PRR14L: variants seen among roughly 807,000 people sequenced by gnomAD.
PRR14L encodes protein PRR14L.
Under a neutral mutation model 155.0 loss-of-function variants are expected in PRR14L, and 80 were observed. That is an observed-to-expected ratio of 0.52 (90% CI 0.43 to 0.62). The LOEUF (loss-of-function observed/expected upper bound fraction) is 0.62, where lower values mean the gene tolerates loss of function less well. Among genes scored for constraint, PRR14L ranks in the 20% least tolerant of loss-of-function variants. The pLI, the probability that PRR14L is intolerant of heterozygous loss-of-function variation, is 0.00. For synonymous variants in PRR14L, 883 were observed against 916.0 expected (o/e 0.96, Z 0.65); for missense variants, 2,469 against 2,548.0 (o/e 0.97, Z 0.67).
intron 7 of PRR14L, among the ~76,000 whole-genome samples, chr22:31,700,252 T>G (rs1242906692): frequency 6.6e-6 from 1 of 152,242 alleles, no homozygotes; most frequent in African/African-American, 2.4e-5. Flanking sequence ...AACTACTTAT[T>G]TATGTAAACA....
chr22:31,725,656 G>A, intron 2 of PRR14L, 46 bp from the exon 3 acceptor site: 1 of 1,073,618 alleles, frequency 9.3e-7, no homozygotes, highest in Non-Finnish European at 1.4e-6. Flanking sequence ...AGAAGATTCT[G>A]AGTTAATGAA....
chr22:31,745,861 A>AT (rs1453985949), intron 1 of PRR14L, among the ~76,000 whole-genome samples: 2,024 of 132,170 alleles, frequency 0.015, 23 homozygotes, highest in Middle Eastern at 0.031. Flanking sequence ...AAAAAAAAAA[A>AT]ATATATATAT....
intron 1 of PRR14L, among the ~76,000 whole-genome samples, chr22:31,745,717 G>A (rs947760190): frequency 5.3e-5 from 8 of 151,742 alleles, no homozygotes; most frequent in African/African-American, 1.9e-4. Context: ...CGTGGTGGCA[G>A]GAGCCTGTAA....
chr22:31,698,817 G>A (rs2074548575), intron 7 of PRR14L, among the ~76,000 whole-genome samples: 2 of 151,470 alleles, frequency 1.3e-5, no homozygotes, highest in South Asian at 4.2e-4. Flanking sequence ...AGCTACTCGG[G>A]AGGCTGAGGG....
chr22:31,718,233 A>T (rs1399337712), intron 3 of PRR14L, among the ~76,000 whole-genome samples: 3 of 149,368 alleles, frequency 2.0e-5, no homozygotes. Context: ...CGGCCCGCCC[A>T]GCTAATTTTT....
chr22:31,696,843 G>A (rs780463957), intron 7 of PRR14L, among the ~76,000 whole-genome samples: 52 of 152,278 alleles, frequency 3.4e-4, no homozygotes, highest in African/African-American at 7.2e-5. Flanking sequence ...GGCTGAGCAC[G>A]GTGGCTCATG....
rs188246589 is a variant in PRR14L, at chr22:31,748,130, G to A, written c.-52+1863C>T. ...CTTCAGGAACAATACTCACAATAATGACCAGGCCCTCAGAAGCTCACAACA... is the reference window on the plus strand; with the variant it reads ...CTTCAGGAACAATACTCACAATAATAACCAGGCCCTCAGAAGCTCACAACA... On this transcript the variant is annotated intron_variant, in intron 1 of 8. Transcript: ENST00000327423. Among the ~76,000 whole-genome samples, 197 of 152,190 alleles carry A rather than the reference G, an allele frequency of 1.3e-3. 1 individual carries two copies. Among genetic ancestry groups the A allele is most frequent in the African/African-American group, 4.6e-3 (190 of 41,508 alleles).
chr22:31,736,887 A>C (rs2074784696), intron 2 of PRR14L, among the ~76,000 whole-genome samples: 1 of 151,566 alleles, frequency 6.6e-6, no homozygotes, highest in Non-Finnish European at 1.5e-5. Flanking sequence ...AAATACAATA[A>C]ATTAGCCGGG....
chr22:31,730,037 C>T (rs2074739463), intron 2 of PRR14L, among the ~76,000 whole-genome samples: 1 of 151,362 alleles, frequency 6.6e-6, no homozygotes, highest in Admixed American at 6.6e-5. Flanking sequence ...GTCCCAGCTA[C>T]TTGGGAAGCT....
chr22:31,727,923 G>A (rs1445889057), intron 2 of PRR14L, among the ~76,000 whole-genome samples: 1 of 151,340 alleles, frequency 6.6e-6, no homozygotes, highest in Non-Finnish European at 1.5e-5. Context: ...AGGCTGCAGT[G>A]AGCCAAGATC....
Position 31,738,913 on chromosome 22 carries a change from T to C in PRR14L, c.-51-2A>G. On this transcript the variant is annotated splice_acceptor_variant, in intron 1 of 8. Transcript: ENST00000327423. LOFTEE classifies it low-confidence loss of function (5UTR_SPLICE). Reference sequence around the variant, plus strand: ...GTCTTTTACATCAAATGATTCACCCTGACACAAATCACAGGAAGGGATAAA... The same window carrying C: ...GTCTTTTACATCAAATGATTCACCCCGACACAAATCACAGGAAGGGATAAA... 8.0e-7 allele frequency: 1 copy of C among 1,245,646 alleles called. No homozygotes were observed. The highest frequency in any genetic ancestry group is 1.1e-6 in the Non-Finnish European group (1 of 903,252). The allele number at this position is 1,245,646 out of a possible 1,614,324, so 77.2% of individuals were successfully genotyped here.
Position 31,685,489 on chromosome 22 carries a change from A to G in PRR14L, c.*38T>C, listed in dbSNP as rs766108226. 14 of 1,481,872 alleles carry G rather than the reference A, an allele frequency of 9.4e-6. No individual in the cohort carries two copies. In the Admixed American group the frequency reaches 2.5e-4, roughly 26 times the overall value. 91.8% of individuals were successfully genotyped at this position (1,481,872 alleles called of 1,614,324 possible). A position where few individuals can be genotyped will look rare whatever the true frequency, so the allele number is the denominator to read the frequency against. The stretch of plus-strand genomic sequence containing the variant: ...AAACCCAAAAACAAAACAAAACAAA[A>G]AAACCCTAAAATTGAGACCCTCAAA... On this transcript the variant is annotated 3_prime_UTR_variant, in exon 9 of 9. Transcript: ENST00000327423.
intron 1 of PRR14L, among the ~76,000 whole-genome samples, chr22:31,742,469 G>T (rs1185438380): frequency 6.6e-6 from 1 of 151,780 alleles, no homozygotes; most frequent in African/African-American, 2.4e-5. Context: ...CCAGGTTCAA[G>T]GATTATCCTG....
In PRR14L at chr22:31,738,432, T is replaced by G; in HGVS notation, c.429A>C (p.Pro143=). ...REPSEGAKED[P]HQHSTAAEEK... ...CTTCAGCAGCTGTGGAATGTTGATG[T>G]GGATCTTCCTTTGCTCCCTCAGAGG... Residue 143 remains proline, a synonymous_variant, in exon 2 of 9, where the codon CCA becomes CCC. Transcript: ENST00000327423. The G allele has an allele frequency of 1.3e-6, 2 of 1,552,400 alleles. No individual in the cohort carries two copies. Among genetic ancestry groups the G allele is most frequent in the Non-Finnish European group, 1.7e-6 (2 of 1,147,140 alleles).
intron 1 of PRR14L, among the ~76,000 whole-genome samples, chr22:31,741,782 G>A (rs534852890): frequency 6.6e-6 from 1 of 152,146 alleles, no homozygotes; most frequent in African/African-American, 2.4e-5. Flanking sequence ...TGAGGCAGAA[G>A]AATTGCTTGA....
At chr22:31,743,770 C>T (rs1421913269) in intron 1 of PRR14L, among the ~76,000 whole-genome samples, 1 of 151,570 alleles carries the variant, frequency 6.6e-6, no homozygotes, top group Non-Finnish European at 1.5e-5. Context: ...CCACTGCACT[C>T]CAGACTGGGT....
At chr22:31,723,827 A>C (rs755684401) in intron 3 of PRR14L, among the ~76,000 whole-genome samples, 1 of 152,168 alleles carries the variant, frequency 6.6e-6, no homozygotes, top group Non-Finnish European at 1.5e-5. Flanking sequence ...GTTTCATCAC[A>C]GTAACAAAAT....
chr22:31,729,259 T>G (rs1243625466), intron 2 of PRR14L, among the ~76,000 whole-genome samples: 2 of 152,192 alleles, frequency 1.3e-5, no homozygotes, highest in Non-Finnish European at 2.9e-5. Context: ...TCGCCCAGGC[T>G]GGAATGTAGT....
At position 31,706,150 on chromosome 22, in the gene PRR14L, G is replaced by A. The variant is rs890995303; in HGVS notation, c.5757-1424C>T. Among the ~76,000 whole-genome samples the A allele has an allele frequency of 3.3e-5, 5 of 151,850 alleles. No homozygotes were observed. The East Asian group carries it at 9.7e-4, about 30-fold the overall frequency. ...AATTCAAGACCAGCCTGGCCAACAC[G>A]ATGAAACCCTGTCTCTACAAAAATA... On this transcript the variant is annotated intron_variant, in intron 4 of 8. Transcript: ENST00000327423.
Sources: gnomAD v4.1 joint callset for allele counts (sites outside exome capture counted in the v4.1 genomes callset) on GRCh38, gnomAD v4.1.1 for gene constraint, MANE v1.5 for transcripts, NCBI Gene and HGNC (gene_info 2026-07-23, HGNC 2026-07-21) for gene names.